Variants in KAT6B observed in about 807,000 individuals in gnomAD.
KAT6B encodes the protein histone acetyltransferase KAT6B.
In KAT6B, 10 loss-of-function variants were observed where a neutral mutation model predicts 187.5. The observed-to-expected ratio is 0.05, with a 90% CI of 0.03 to 0.09. The LOEUF (loss-of-function observed/expected upper bound fraction) is 0.09, where lower values mean the gene tolerates loss of function less well. Among genes scored for constraint, KAT6B ranks in the 10% least tolerant of loss-of-function variants. The pLI is 1.00. For synonymous variants in KAT6B, 861 were observed against 926.8 expected (o/e 0.93, Z 1.29); for missense variants, 1,952 against 2,558.9 (o/e 0.76, Z 5.12).
intron 3 of KAT6B, among the ~76,000 whole-genome samples, chr10:74,944,002 G>C (rs1225449199): frequency 6.6e-6 from 1 of 152,228 alleles, no homozygotes; most frequent in African/African-American, 2.4e-5. Flanking sequence ...GTGTTCCTCA[G>C]GAAGCAGCTA....
At chr10:74,826,161 GA>G (rs951878630), upstream of KAT6B, among the ~76,000 whole-genome samples, 8 of 152,178 alleles carry the variant, frequency 5.3e-5, no homozygotes, top group Middle Eastern at 6.8e-3. Flanking sequence ...AGGGGAGAGG[GA>G]AAAGGCCTCC....
At position 74,893,054 on chromosome 10, in the gene KAT6B, C is replaced by G. The variant is rs137941894; in HGVS notation, c.621+49576C>G. On this transcript the variant is annotated intron_variant, in intron 3 of 17. Transcript: ENST00000287239. ...GAAGGCTGCCTGCCAGGGCTAGGCC[C>G]GCAGCAGAAAGAGGTTGTGGGTGAA... Among the ~76,000 whole-genome samples, 8 of 152,296 alleles carry G rather than the reference C, an allele frequency of 5.3e-5. No individual in the cohort carries two copies. The East Asian group carries it at 1.3e-3, about 26-fold the overall frequency.
At chr10:74,867,131 T>C (rs1342901573) in intron 3 of KAT6B, among the ~76,000 whole-genome samples, 1 of 152,174 alleles carries the variant, frequency 6.6e-6, no homozygotes, top group East Asian at 1.9e-4. Flanking sequence ...ATGTCCTGGC[T>C]TAGGGCAGAT....
intron 3 of KAT6B, among the ~76,000 whole-genome samples, chr10:74,959,659 G>A (rs1481658372): frequency 2.0e-5 from 3 of 152,054 alleles, no homozygotes; most frequent in African/African-American, 7.2e-5. Context: ...GCATAGTGGC[G>A]CGCATCTGTA....
intron 3 of KAT6B, among the ~76,000 whole-genome samples, chr10:74,909,156 A>C (rs1195698949): frequency 6.6e-6 from 1 of 152,214 alleles, no homozygotes; most frequent in Non-Finnish European, 1.5e-5. Flanking sequence ...AGATCACCTT[A>C]GGTCAGGAGT....
chr10:74,898,147 G>A (rs115201682), intron 3 of KAT6B, among the ~76,000 whole-genome samples: 2,769 of 152,188 alleles, frequency 0.018, 79 homozygotes, highest in African/African-American at 0.063. Context: ...AAACGTGAAA[G>A]GCATTGGTAC....
intron 2 of KAT6B, among the ~76,000 whole-genome samples, chr10:74,841,765 C>T (rs1324805883): frequency 6.6e-6 from 1 of 152,156 alleles, no homozygotes; most frequent in Admixed American, 6.5e-5. Flanking sequence ...TATCATTGGA[C>T]ACCAAGATTA....
intron 13 of KAT6B, among the ~76,000 whole-genome samples, chr10:75,015,372 C>T (rs549543883): frequency 3.9e-5 from 6 of 152,286 alleles, no homozygotes; most frequent in South Asian, 2.1e-4. Flanking sequence ...ATTTAGAGCA[C>T]GGCTGTTCTC....
intron 3 of KAT6B, among the ~76,000 whole-genome samples, chr10:74,952,690 CT>C (rs932430103): frequency 2.1e-3 from 297 of 142,684 alleles, no homozygotes; most frequent in Admixed American, 2.1e-3. Flanking sequence ...ACAGAAGAGT[CT>C]TTTTTTTTTT....
intron 13 of KAT6B, among the ~76,000 whole-genome samples, chr10:75,009,237 A>G (rs989728595): frequency 6.6e-6 from 1 of 152,218 alleles, no homozygotes; most frequent in African/African-American, 2.4e-5. Context: ...TTATTTACGT[A>G]GTTTGTGGTT....
At chr10:74,843,991 A>G (rs1841931875) in intron 3 of KAT6B, among the ~76,000 whole-genome samples, 3 of 151,832 alleles carry the variant, frequency 2.0e-5, no homozygotes. Context: ...CTCCTGCCTC[A>G]GCCTCCCAAG....
chr10:75,031,366 T>C lies in KAT6B; in HGVS notation c.*320T>C. On this transcript the variant is annotated 3_prime_UTR_variant, in exon 18 of 18. Transcript: ENST00000287239. ...GCCTGCTTCTGTTAAACAATGTGGA[T>C]ATCAAGCCCCCCCAAATTATCTGTT... 1 of 415,310 alleles carries C rather than the reference T, an allele frequency of 2.4e-6. No homozygotes were observed. 25.7% of individuals were successfully genotyped at this position (415,310 alleles called of 1,614,324 possible). A position where few individuals can be genotyped will look rare whatever the true frequency, so the allele number is the denominator to read the frequency against.
chr10:74,831,428 C>CT (rs545437532), intron 1 of KAT6B, among the ~76,000 whole-genome samples: 142 of 152,296 alleles, frequency 9.3e-4, no homozygotes, highest in Middle Eastern at 3.4e-3. Context: ...GCAGTACTAT[C>CT]TTTTTAAAGC....
At chr10:74,983,797 G>C (rs1309631271) in intron 11 of KAT6B, 2 of 152,120 alleles carry the variant, frequency 1.3e-5, no homozygotes, top group African/African-American at 4.8e-5. Flanking sequence ...ATAAGGAGTT[G>C]GATTTGATAA....
intron 3 of KAT6B, among the ~76,000 whole-genome samples, chr10:74,956,378 A>G (rs11001221): frequency 0.17 from 25,892 of 152,098 alleles, 3,523 homozygotes; most frequent in African/African-American, 0.38. Flanking sequence ...TCTCCATTGT[A>G]AAGGTACCTT....
chr10:74,957,313 TA>T (rs1170325529), intron 3 of KAT6B, among the ~76,000 whole-genome samples: 1 of 152,276 alleles, frequency 6.6e-6, no homozygotes, highest in East Asian at 1.9e-4. Flanking sequence ...AGTGGTTTTA[TA>T]GAGTATTGTG....
intron 10 of KAT6B, among the ~76,000 whole-genome samples, chr10:74,981,334 C>T (rs145214353): frequency 2.0e-4 from 29 of 146,798 alleles, no homozygotes; most frequent in African/African-American, 6.9e-4. Context: ...TTCCTTCCTT[C>T]CTTCCTTTCT....
chr10:74,896,998 G>T (rs1846037559), intron 3 of KAT6B, among the ~76,000 whole-genome samples: 1 of 152,076 alleles, frequency 6.6e-6, no homozygotes, highest in Admixed American at 6.6e-5. Context: ...AACAATCAAA[G>T]AAAGAATTTA....
At position 75,022,194 on chromosome 10, in the gene KAT6B, G is replaced by A; in HGVS notation, c.3335G>A (p.Arg1112Lys). Residue 1112 changes from arginine to lysine, a missense_variant, in exon 16 of 18, where the codon AGA (arginine) becomes AAA (lysine). Coordinates refer to ENST00000287239, the MANE Select transcript of KAT6B (RefSeq NM_012330.4). ...EEENIQSSPP[R>K]LTKPQSVAIK... ...GAAAATATTCAAAGCTCTCCCCCAA[G>A]ATTGACGAAACCACAGTCAGTTGCC... is the stretch of plus-strand genomic sequence containing the variant. 3 of 1,613,316 alleles carry A rather than the reference G, an allele frequency of 1.9e-6. No individual in the cohort carries two copies. The highest frequency in any genetic ancestry group is 1.3e-5 in the African/African-American group (1 of 75,032).
Sources: gnomAD v4.1 joint callset for allele counts (sites outside exome capture counted in the v4.1 genomes callset) on GRCh38, gnomAD v4.1.1 for gene constraint, MANE v1.5 for transcripts, NCBI Gene and HGNC (gene_info 2026-07-23, HGNC 2026-07-21) for gene names.